Variants in LETM2 observed in about 807,000 individuals in gnomAD.
The protein encoded by LETM2 is leucine zipper and EF-hand containing transmembrane protein 2, also known as LETM1 domain-containing protein LETM2, mitochondrial.
A neutral mutation model predicts 59.6 loss-of-function variants in LETM2; 58 were observed. That is an observed-to-expected ratio of 0.97 (90% confidence interval 0.79 to 1.21). The LOEUF is 1.21. LETM2 is among the 50% of genes most tolerant of loss of function. LETM2 has a pLI of 0.00. For missense variants in LETM2, 572 were observed against 575.7 expected, an observed-to-expected ratio of 0.99 and a Z score of 0.07; for synonymous variants, 199 against 214.1, an observed-to-expected ratio of 0.93 and a Z score of 0.62.
At position 38,409,469 on chromosome 8, in the gene LETM2, C is replaced by G. The variant is rs913693632; in HGVS notation, c.*1195C>G. 2 of 152,202 alleles carry G rather than the reference C, an allele frequency of 1.3e-5. No individual in the cohort carries two copies. The highest frequency in any genetic ancestry group is 4.8e-5 in the African/African-American group (2 of 41,452). The allele number at this position is 152,202 out of a possible 1,614,324, so 9.4% of individuals were successfully genotyped here. ...ATGATGAATCCCTACTGTGCACATA[C>G]AGCAATCATGGATCCTGCCTATCGA... On this transcript the variant is annotated 3_prime_UTR_variant, in exon 11 of 11. Transcript: ENST00000379957.
rs1813372351 is a variant in LETM2, at chr8:38,403,047, C to G, written c.1104+403C>G. Among the ~76,000 whole-genome samples, 3 of 152,090 alleles carry G rather than the reference C, an allele frequency of 2.0e-5. 1 individual carries two copies. In the South Asian group the frequency reaches 6.2e-4, roughly 31 times the overall value. ...AGCTGGCTGTGAGCCCCGGGCTACT[C>G]TCAGCATCTAGTGGCCACCTGTATT... On this transcript the variant is annotated intron_variant, in intron 7 of 10. Coordinates refer to ENST00000379957, the MANE Select transcript of LETM2 (RefSeq NM_001286819.2).
At chr8:38,383,505 A>G (rs1363166039), upstream of LETM2, 1 of 152,254 alleles carries the variant, frequency 6.6e-6, no homozygotes, top group East Asian at 1.9e-4. Flanking sequence ...TACTATTACA[A>G]GAAATTAGAT....
chr8:38,406,057 C>G lies in LETM2; in HGVS notation c.1219-889C>G, dbSNP rs79038276. 3.9e-3 allele frequency among the ~76,000 whole-genome samples: 600 copies of G among 152,220 alleles called. 3 individuals are homozygous for G. Among genetic ancestry groups the G allele is most frequent in the South Asian group, 9.1e-3 (44 of 4,826 alleles). On this transcript the variant is annotated intron_variant, in intron 8 of 10. Coordinates refer to ENST00000379957, the MANE Select transcript of LETM2 (RefSeq NM_001286819.2). ...TTGGATGTATGTAGCCTTATCCCTCCAAAGTCCACAAATTACTTCCAAAGC... is the reference window on the plus strand; with the variant it reads ...TTGGATGTATGTAGCCTTATCCCTCGAAAGTCCACAAATTACTTCCAAAGC...
chr8:38,406,764 A>C (rs1370542994), intron 8 of LETM2, 182 bp from the exon 9 acceptor site: 4 of 500,356 alleles, frequency 8.0e-6, no homozygotes, highest in Non-Finnish European at 1.4e-5. Flanking sequence ...AAGAGAAATA[A>C]TACTAAGTTG....
At chr8:38,388,137 A>G (rs1430719531) in intron 2 of LETM2, 107 bp downstream of exon 2, 7 of 759,094 alleles carry the variant, frequency 9.2e-6, no homozygotes, top group Admixed American at 5.1e-5. Flanking sequence ...CTGGAGTTCA[A>G]TGGTGCAATC....
At chr8:38,399,630 C>T (rs914215365) in intron 4 of LETM2, among the ~76,000 whole-genome samples, 5 of 151,912 alleles carry the variant, frequency 3.3e-5, no homozygotes, top group African/African-American at 7.3e-5. Context: ...AATAAAAAAT[C>T]AGCGGGGTGT....
intron 2 of LETM2, among the ~76,000 whole-genome samples, chr8:38,390,514 C>T (rs557493598): frequency 1.4e-4 from 21 of 145,368 alleles, no homozygotes; most frequent in Non-Finnish European, 1.6e-4. Flanking sequence ...CCCAGATACT[C>T]GGGAGGCTGA....
intron 7 of LETM2, among the ~76,000 whole-genome samples, chr8:38,403,687 T>C (rs1813440003): frequency 6.6e-6 from 1 of 152,212 alleles, no homozygotes; most frequent in Admixed American, 6.5e-5. Flanking sequence ...TTGGAAACCA[T>C]GTTAGGTTAC....
At chr8:38,382,983 C>T (rs980270559), upstream of LETM2, 2 of 152,180 alleles carry the variant, frequency 1.3e-5, no homozygotes, top group African/African-American at 2.4e-5. This position sits in a 1 kb window ranked among gnomAD's most constrained non-coding sequence, Gnocchi z 4.2. Context: ...GCCCCGCGCG[C>T]CTCTTCCTGC....
At position 38,392,923 on chromosome 8, in the gene LETM2, C is replaced by T. The variant is rs369104625; in HGVS notation, c.429C>T (p.Asp143=). ...ATGGATTCTACTTACTTTGGATTGA[C>T]GCCAAAGTTGCTGCCAGAATGGTTT... ...YYNGFYLLWI[D]AKVAARMVWR... The change falls in exon 3 of 11, where the codon GAC becomes GAT. Residue 143 remains aspartate, a synonymous_variant. Coordinates refer to ENST00000379957, the MANE Select transcript of LETM2 (RefSeq NM_001286819.2). 120 of 1,612,704 alleles carry T rather than the reference C, an allele frequency of 7.4e-5. No homozygotes were observed. Among genetic ancestry groups the T allele is most frequent in the Middle Eastern group, 1.6e-4 (1 of 6,062 alleles).
In LETM2 at chr8:38,392,702, G is replaced by C; in HGVS notation, c.208G>C (p.Gly70Arg). The part of the protein sequence containing the change: ...SQPGNTVLHP[G>R]TRLIQKLHTS... ...GCCAGGCAATACAGTACTTCACCCA[G>C]GAACTAGACTAATACAAAAGCTACA... is the stretch of plus-strand genomic sequence containing the variant. Residue 70 changes from glycine (G) to arginine (R), a missense_variant, in exon 3 of 11, where the codon GGA becomes CGA. Transcript: ENST00000379957. 6.2e-7 allele frequency: 1 copy of C among 1,614,152 alleles called. No individual in the cohort carries two copies. Among genetic ancestry groups the C allele is most frequent in the Non-Finnish European group, 8.5e-7 (1 of 1,180,040 alleles).
intron 6 of LETM2, 108 bp from the exon 7 acceptor site, chr8:38,402,417 G>T (rs1813306705): frequency 1.5e-6 from 2 of 1,306,916 alleles, no homozygotes; most frequent in Admixed American, 3.6e-5. Flanking sequence ...CAGTGCAGGG[G>T]ACAAAGCATC....
chr8:38,391,838 C>T (rs1812308554), intron 2 of LETM2, among the ~76,000 whole-genome samples: 1 of 151,978 alleles, frequency 6.6e-6, no homozygotes, highest in East Asian at 1.9e-4. Context: ...ATTACAGGTG[C>T]ATGACACCAC....
chr8:38,404,551 AG>A, intron 8 of LETM2, 45 bp downstream of exon 8: 2 of 1,195,156 alleles, frequency 1.7e-6, no homozygotes, highest in South Asian at 2.4e-5. Context: ...CATCCAACTG[AG>A]GCCTCTCCAC....
intron 4 of LETM2, among the ~76,000 whole-genome samples, chr8:38,398,508 A>G (rs1279175877): frequency 1.3e-5 from 2 of 152,082 alleles, no homozygotes; most frequent in African/African-American, 2.4e-5. Flanking sequence ...GCACTTACCC[A>G]TTATGCTTCT....
chr8:38,399,798 TAGCC>T (rs1436970782), intron 4 of LETM2, among the ~76,000 whole-genome samples: 1 of 126,036 alleles, frequency 7.9e-6, no homozygotes, highest in Admixed American at 8.1e-5. Flanking sequence ...AAAAAAAAAT[TAGCC>T]AGGTGTGGTG....
At chr8:38,404,937 T>C (rs1038570797) in intron 8 of LETM2, 7 of 166,930 alleles carry the variant, frequency 4.2e-5, no homozygotes, top group Admixed American at 2.9e-4. Context: ...GATCACGCCA[T>C]TGCACTGCAG....
At chr8:38,395,750 C>T (rs1326775128) in intron 4 of LETM2, among the ~76,000 whole-genome samples, 2 of 152,026 alleles carry the variant, frequency 1.3e-5, no homozygotes, top group African/African-American at 4.8e-5. Flanking sequence ...TCCTGACCTC[C>T]GGTGATCCAC....
Position 38,406,845 on chromosome 8 carries a change from G to A in LETM2, c.1219-101G>A, listed in dbSNP as rs73605077. ...TAGAGGAGGAAGTTAGGGATTTAGT[G>A]GAAAGCAAATAGTGCTAAAAAAGGC... is the stretch of plus-strand genomic sequence containing the variant. On this transcript the variant is annotated intron_variant, in intron 8 of 10. Transcript: ENST00000379957. 3,355 of 708,484 alleles carry A rather than the reference G, an allele frequency of 4.7e-3. 111 individuals are homozygous for A. In the African/African-American group the frequency reaches 0.054, roughly 11 times the overall value. The allele number at this position is 708,484 out of a possible 1,614,324, so 43.9% of individuals were successfully genotyped here. A position where few individuals can be genotyped will look rare whatever the true frequency, so the allele number is the denominator to read the frequency against.
Sources: allele counts gnomAD v4.1 joint callset (sites outside exome capture counted in the v4.1 genomes callset), GRCh38; gene constraint gnomAD v4.1.1; non-coding constraint Gnocchi (gnomAD v3.1); transcripts MANE v1.5; gene names NCBI Gene and HGNC (gene_info 2026-07-23, HGNC 2026-07-21).